NEGR1: variants seen among roughly 807,000 people sequenced by gnomAD.
The protein encoded by NEGR1 is neuronal growth regulator 1.
A neutral mutation model predicts 40.9 loss-of-function variants in NEGR1; 10 were observed. That is an observed-to-expected ratio of 0.24 (90% confidence interval 0.15 to 0.42). The LOEUF is 0.42. Ranked by LOEUF, NEGR1 falls within the 10% of genes least tolerant of loss-of-function variation. The pLI is 1.00. For missense variants in NEGR1, 352 were observed against 438.9 expected, an observed-to-expected ratio of 0.80 and a Z score of 1.77; for synonymous variants, 185 against 166.8, an observed-to-expected ratio of 1.11 and a Z score of -0.84.
intron 3 of NEGR1, among the ~76,000 whole-genome samples, chr1:71,768,143 A>G (rs1476376740): frequency 6.6e-6 from 1 of 152,192 alleles, no homozygotes; most frequent in Non-Finnish European, 1.5e-5. Context: ...CAGAGTCCCC[A>G]CTGGGGCATT....
At chr1:71,493,375 A>C (rs987436999) in intron 6 of NEGR1, among the ~76,000 whole-genome samples, 1 of 152,102 alleles carries the variant, frequency 6.6e-6, no homozygotes, top group African/African-American at 2.4e-5. Context: ...TTTTTCAAAA[A>C]ACCTTCTTAC....
chr1:71,730,592 T>A (rs528825832), intron 3 of NEGR1, among the ~76,000 whole-genome samples: 88 of 146,634 alleles, frequency 6.0e-4, no homozygotes, highest in African/African-American at 1.1e-3. Flanking sequence ...TATATATATA[T>A]AAATTTGAAA....
At chr1:71,730,569 T>TATATATATATATATA (rs1553161610) in intron 3 of NEGR1, among the ~76,000 whole-genome samples, 160 of 134,696 alleles carry the variant, frequency 1.2e-3, no homozygotes, top group Non-Finnish European at 2.2e-3. Context: ...TAGTATAAAT[T>TATATATATATATATA]TATATATATA....
chr1:71,808,349 C>T (rs1415337992), intron 2 of NEGR1, among the ~76,000 whole-genome samples: 1 of 152,142 alleles, frequency 6.6e-6, no homozygotes, highest in Non-Finnish European at 1.5e-5. Flanking sequence ...TAGTCCCTCG[C>T]CCTCCTATAG....
intron 4 of NEGR1, among the ~76,000 whole-genome samples, chr1:71,632,555 A>C (rs1205806183): frequency 4.0e-5 from 6 of 151,064 alleles, no homozygotes; most frequent in Non-Finnish European, 8.9e-5. Flanking sequence ...TATATACATT[A>C]TACTATATAT....
chr1:71,944,200 C>CCTGG, intron 1 of NEGR1, among the ~76,000 whole-genome samples: 1 of 152,266 alleles, frequency 6.6e-6, no homozygotes, highest in South Asian at 2.1e-4. Context: ...ATACTGTCTC[C>CCTGG]CTGGCAGCTG....
chr1:71,590,336 G>T (rs1159867408), intron 6 of NEGR1, among the ~76,000 whole-genome samples: 3 of 152,094 alleles, frequency 2.0e-5, no homozygotes, highest in Non-Finnish European at 4.4e-5. Flanking sequence ...CTAGATAAAA[G>T]TTCTTTCATG....
rs1658651545 is a variant in NEGR1 at position 71,827,048 on chromosome 1, GTTGCCACTAT to G, written c.410-50761_410-50752del. Among the ~76,000 whole-genome samples the G allele has an allele frequency of 2.0e-5, 3 of 151,956 alleles. No individual in the cohort carries two copies. In the South Asian group the frequency reaches 6.2e-4, roughly 32 times the overall value. On this transcript the variant is annotated intron_variant, in intron 2 of 6. Transcript: ENST00000357731. ...TAAGCTTATACTTTTGCTAAGAGCA[GTTGCCACTAT>G]TGGCTTTTCTCCTTTCACAGTGGTT...
intron 2 of NEGR1, among the ~76,000 whole-genome samples, chr1:71,827,217 G>A (rs1658660473): frequency 6.6e-6 from 1 of 151,402 alleles, no homozygotes; most frequent in African/African-American, 2.4e-5. Context: ...AAAAGAGGGA[G>A]CAGAGAGAAA....
intron 1 of NEGR1, among the ~76,000 whole-genome samples, chr1:72,078,742 T>A (rs1647860229): frequency 6.6e-6 from 1 of 150,822 alleles, no homozygotes; most frequent in South Asian, 2.1e-4. Context: ...TGGGTTCAAG[T>A]GATTCTCCTG....
In NEGR1 at chr1:72,044,232, T is replaced by C. The variant is rs181010236; in HGVS notation, c.177-108921A>G. Among the ~76,000 whole-genome samples, 40 of 151,528 alleles carry C rather than the reference T, an allele frequency of 2.6e-4. No homozygotes were observed. In the Middle Eastern group the frequency reaches 0.01, roughly 39 times the overall value. The stretch of plus-strand genomic sequence containing the variant: ...TAAGACTTGATTACTGGTAAGTAAT[T>C]TGATAAAGTTGAGAAATTCCTACCA... On this transcript the variant is annotated intron_variant, in intron 1 of 6. Transcript: ENST00000357731.
chr1:71,776,393 G>A (rs1408210729), intron 2 of NEGR1, 96 bp from the exon 3 acceptor site: 9 of 719,088 alleles, frequency 1.3e-5, no homozygotes, highest in African/African-American at 5.5e-5. Context: ...AGAAAGGTAT[G>A]AGGGTGAAAT....
At chr1:71,581,244 C>T (rs530710845) in intron 6 of NEGR1, among the ~76,000 whole-genome samples, 2 of 152,052 alleles carry the variant, frequency 1.3e-5, no homozygotes, top group South Asian at 2.1e-4. Context: ...CCATGGAAAC[C>T]GGCAAATGGT....
intron 6 of NEGR1, among the ~76,000 whole-genome samples, chr1:71,464,366 G>C (rs1352432098): frequency 1.3e-5 from 2 of 151,986 alleles, no homozygotes; most frequent in Non-Finnish European, 2.9e-5. Flanking sequence ...GTTTAAAAGA[G>C]AAAGTAAAGT....
intron 6 of NEGR1, among the ~76,000 whole-genome samples, chr1:71,532,967 G>C (rs1174575431): frequency 2.0e-5 from 3 of 151,512 alleles, no homozygotes; most frequent in Non-Finnish European, 4.4e-5. Flanking sequence ...ATACATAAAA[G>C]ACAAACACTC....
intron 6 of NEGR1, among the ~76,000 whole-genome samples, chr1:71,556,350 GA>G (rs1286298511): frequency 6.6e-6 from 1 of 151,496 alleles, no homozygotes; most frequent in East Asian, 2.0e-4. Flanking sequence ...ACAGAAAGTG[GA>G]AAAAGTTTGC....
At chr1:71,559,032 T>TATATATATATAC (rs1648353405) in intron 6 of NEGR1, among the ~76,000 whole-genome samples, 1 of 119,540 alleles carries the variant, frequency 8.4e-6, no homozygotes, top group African/African-American at 2.9e-5. Context: ...TATATATATA[T>TATATATATATAC]ATATATATAT....
chr1:71,706,236 G>A (rs1183791807), intron 3 of NEGR1, among the ~76,000 whole-genome samples: 2 of 152,126 alleles, frequency 1.3e-5, no homozygotes, highest in East Asian at 1.9e-4. Context: ...AGAGCAGAAC[G>A]GAAAACCAGA....
chr1:72,164,027 T>TTAAAG (rs1363534102), intron 1 of NEGR1, among the ~76,000 whole-genome samples: 1 of 151,880 alleles, frequency 6.6e-6, no homozygotes, highest in Non-Finnish European at 1.5e-5. Context: ...TTTTTTTTTT[T>TTAAAG]TAAAGTAAAG....
Sources: gnomAD v4.1 joint callset for allele counts (sites outside exome capture counted in the v4.1 genomes callset) on GRCh38, gnomAD v4.1.1 for gene constraint, MANE v1.5 for transcripts, NCBI Gene and HGNC (gene_info 2026-07-23, HGNC 2026-07-21) for gene names.